MB21D2: variants seen among roughly 807,000 people sequenced by gnomAD.
MB21D2 encodes the protein nucleotidyltransferase MB21D2.
MB21D2 carries 9 observed loss-of-function variants against 33.3 expected under a neutral mutation model. The ratio of observed to expected loss-of-function variants is 0.27; its 90% CI spans 0.16 to 0.47. The LOEUF (loss-of-function observed/expected upper bound fraction) is 0.47. Ranked by LOEUF, MB21D2 falls within the 20% of genes least tolerant of loss-of-function variation. The pLI is 0.99. For missense variants in MB21D2, 540 were observed against 624.6 expected (o/e 0.86, Z 1.44); for synonymous variants, 241 against 236.3 (o/e 1.02, Z -0.18).
rs541132788 is a variant in MB21D2 at position 192,835,844 on chromosome 3, A to G, written c.212-36194T>C. Among the ~76,000 whole-genome samples, 886 of 140,212 alleles carry G rather than the reference A, an allele frequency of 6.3e-3. 3 individuals carry two copies. The highest frequency in any genetic ancestry group is 8.0e-3 in the African/African-American group (307 of 38,466). The allele number at this position is 140,212 out of a possible 152,430, so 92.0% of individuals were successfully genotyped here. ...GATCAAGAAGAAGAAAGATTGGGGG[A>G]AAAAAAAAAAAAAGGCCTTCCCTCA... On this transcript the variant is annotated intron_variant, in intron 1 of 1. Coordinates refer to ENST00000392452, the MANE Select transcript of MB21D2 (RefSeq NM_178496.4).
At chr3:192,850,485 A>G (rs561161737) in intron 1 of MB21D2, among the ~76,000 whole-genome samples, 1 of 152,240 alleles carries the variant, frequency 6.6e-6, no homozygotes, top group South Asian at 2.1e-4. Flanking sequence ...CATTCATCGC[A>G]TGTGTGGTGA....
intron 1 of MB21D2, among the ~76,000 whole-genome samples, chr3:192,829,344 C>T (rs890680383): frequency 5.3e-5 from 8 of 152,130 alleles, no homozygotes; most frequent in African/African-American, 9.7e-5. Context: ...GTGTACAGGC[C>T]TTTGTGTAGA....
intron 1 of MB21D2, among the ~76,000 whole-genome samples, chr3:192,895,022 C>A (rs1713934805): frequency 6.6e-6 from 1 of 152,148 alleles, no homozygotes; most frequent in African/African-American, 2.4e-5. Context: ...TTTTCACTAA[C>A]CCTCTCCACA....
chr3:192,849,785 A>G (rs975744807), intron 1 of MB21D2, among the ~76,000 whole-genome samples: 6 of 152,234 alleles, frequency 3.9e-5, no homozygotes, highest in Non-Finnish European at 8.8e-5. Flanking sequence ...AAAGACAGCA[A>G]AAGTCCTTTT....
At chr3:192,859,216 T>C (rs1171996005) in intron 1 of MB21D2, among the ~76,000 whole-genome samples, 2 of 152,086 alleles carry the variant, frequency 1.3e-5, no homozygotes, top group Admixed American at 6.5e-5. Context: ...ACAAGCCTGA[T>C]AAAAATATTC....
intron 1 of MB21D2, among the ~76,000 whole-genome samples, chr3:192,863,703 A>G (rs1713102377): frequency 1.3e-5 from 2 of 152,130 alleles, no homozygotes; most frequent in Non-Finnish European, 2.9e-5. Flanking sequence ...TTATTGGGAG[A>G]TGGAGCCTCC....
intron 1 of MB21D2, among the ~76,000 whole-genome samples, chr3:192,842,596 T>C (rs531663655): frequency 2.0e-5 from 3 of 152,080 alleles, no homozygotes; most frequent in Non-Finnish European, 4.4e-5. Flanking sequence ...ATAATAATGA[T>C]AATAAAAGAG....
chr3:192,905,563 G>A (rs550673060), intron 1 of MB21D2, among the ~76,000 whole-genome samples: 1 of 151,008 alleles, frequency 6.6e-6, no homozygotes, highest in East Asian at 2.0e-4. Context: ...CTTGAACCCG[G>A]GAGGCAGAGG....
intron 1 of MB21D2, among the ~76,000 whole-genome samples, chr3:192,855,104 C>CTT (rs144754351): frequency 6.6e-6 from 1 of 151,384 alleles, no homozygotes; most frequent in African/African-American, 2.4e-5. Flanking sequence ...AGCAATAATT[C>CTT]TTTTTTTTTC....
At chr3:192,836,522 T>C (rs548077022) in intron 1 of MB21D2, among the ~76,000 whole-genome samples, 2 of 152,168 alleles carry the variant, frequency 1.3e-5, no homozygotes, top group Non-Finnish European at 1.5e-5. Context: ...GGTAGTCTTA[T>C]AAGAAGAGAT....
chr3:192,893,971 G>T (rs1359589293), intron 1 of MB21D2, among the ~76,000 whole-genome samples: 1 of 152,134 alleles, frequency 6.6e-6, no homozygotes, highest in African/African-American at 2.4e-5. Flanking sequence ...AGGAGTTAGA[G>T]GCTGCCTGAG....
At chr3:192,817,417 AAGGAGG>A in intron 1 of MB21D2, among the ~76,000 whole-genome samples, 2 of 150,912 alleles carry the variant, frequency 1.3e-5, no homozygotes, top group African/African-American at 5.0e-5. Flanking sequence ...GGAAGGAGGG[AAGGAGG>A]GAAGGAAGAA....
In MB21D2 at chr3:192,799,601, C is replaced by A; in HGVS notation, c.261G>T (p.Leu87=). 1 of 1,614,180 alleles carries A rather than the reference C, an allele frequency of 6.2e-7. No homozygotes were observed. Among genetic ancestry groups the A allele is most frequent in the Non-Finnish European group, 8.5e-7 (1 of 1,180,032 alleles). Reference sequence around the variant, plus strand: ...CTTCCCGGACACCTCCAGAGAGCAACAGGTATTCATTAGCCACTGGAAGCT... The same window carrying A: ...CTTCCCGGACACCTCCAGAGAGCAAAAGGTATTCATTAGCCACTGGAAGCT... ...DQKLPVANEY[L]LLSGGVREGV... is the part of the protein sequence containing the mutation. Residue 87 remains leucine, a synonymous_variant, in exon 2 of 2, where the codon CTG becomes CTT. Transcript: ENST00000392452. This position sits in a 1 kb window ranked among gnomAD's most constrained non-coding sequence, Gnocchi z 4.1.
intron 1 of MB21D2, among the ~76,000 whole-genome samples, chr3:192,810,480 TC>T (rs1326495930): frequency 1.3e-5 from 2 of 152,266 alleles, no homozygotes; most frequent in Non-Finnish European, 2.9e-5. Flanking sequence ...TAAAGAAGCC[TC>T]CTCTAAAGGA....
chr3:192,892,428 G>C (rs940726853), intron 1 of MB21D2, among the ~76,000 whole-genome samples: 1 of 152,188 alleles, frequency 6.6e-6, no homozygotes, highest in Non-Finnish European at 1.5e-5. Flanking sequence ...TAATTTAGGA[G>C]TTTGCTAAAC....
chr3:192,868,162 A>G (rs1394823300), intron 1 of MB21D2, among the ~76,000 whole-genome samples: 1 of 152,212 alleles, frequency 6.6e-6, no homozygotes, highest in Non-Finnish European at 1.5e-5. Flanking sequence ...TTTTAGCCCT[A>G]ACAACTCTGA....
chr3:192,870,926 G>T (rs1056573744), intron 1 of MB21D2, among the ~76,000 whole-genome samples: 15 of 152,082 alleles, frequency 9.9e-5, no homozygotes, highest in African/African-American at 3.6e-4. Flanking sequence ...CCAATGTGAG[G>T]ACAGTTGGTT....
chr3:192,854,298 T>C (rs2108630918), intron 1 of MB21D2, among the ~76,000 whole-genome samples: 1 of 152,198 alleles, frequency 6.6e-6, no homozygotes, highest in Non-Finnish European at 1.5e-5. Context: ...AGCATTGTTG[T>C]TAATATGGGG....
chr3:192,896,227 G>A (rs540562582), intron 1 of MB21D2, among the ~76,000 whole-genome samples: 13 of 152,218 alleles, frequency 8.5e-5, no homozygotes, highest in Admixed American at 5.9e-4. Context: ...GGAAACTAAC[G>A]TTCAGAAAGG....
Sources: gnomAD v4.1 joint callset for allele counts (sites outside exome capture counted in the v4.1 genomes callset) on GRCh38, gnomAD v4.1.1 for gene constraint, Gnocchi (gnomAD v3.1) non-coding constraint, MANE v1.5 for transcripts, NCBI Gene and HGNC (gene_info 2026-07-23, HGNC 2026-07-21) for gene names.